The following KIF15 variants were observed in gnomAD, a reference collection of about 807,000 sequenced individuals.
The protein encoded by KIF15 is kinesin-like protein KIF15.
A neutral mutation model predicts 190.6 loss-of-function variants in KIF15; 140 were observed. That is an observed-to-expected ratio of 0.73 (90% confidence interval 0.64 to 0.84). The LOEUF (loss-of-function observed/expected upper bound fraction) is 0.84, where lower values mean the gene tolerates loss of function less well. Among genes scored for constraint, KIF15 ranks in the 40% least tolerant of loss-of-function variants. KIF15 has a pLI of 0.00. For synonymous variants in KIF15, 528 were observed against 551.3 expected (o/e 0.96, Z 0.59); for missense variants, 1,372 against 1,584.4 (o/e 0.87, Z 2.28).
intron 27 of KIF15, 152 bp downstream of exon 27, chr3:44,838,573 C>A: frequency 1.4e-6 from 1 of 713,956 alleles, no homozygotes; most frequent in Non-Finnish European, 2.2e-6. Flanking sequence ...TGAACTGAAA[C>A]CCTGTCTCTA....
intron 10 of KIF15, among the ~76,000 whole-genome samples, chr3:44,798,927 A>G (rs1048873146): frequency 3.3e-5 from 5 of 152,150 alleles, no homozygotes; most frequent in African/African-American, 1.2e-4. Context: ...AGCTTGTCCT[A>G]TCTGTGCTTT....
intron 26 of KIF15, among the ~76,000 whole-genome samples, chr3:44,836,976 G>A (rs771657476): frequency 9.2e-5 from 14 of 152,230 alleles, no homozygotes; most frequent in Non-Finnish European, 1.9e-4. Flanking sequence ...CATTTGTCCA[G>A]TTGCCATGAT....
At chr3:44,790,695 C>CTTTTTTTTTTTTTTTTTTT (rs56414094) in intron 7 of KIF15, among the ~76,000 whole-genome samples, 3 of 97,972 alleles carry the variant, frequency 3.1e-5, no homozygotes, top group African/African-American at 4.1e-5. Flanking sequence ...TTTTCTGTTT[C>CTTTTTTTTTTTTTTTTTTT]TTTTTTTTTT....
intron 6 of KIF15, chr3:44,865,455 G>T (rs1466318435): frequency 4.5e-6 from 2 of 448,972 alleles, no homozygotes; most frequent in East Asian, 3.5e-5. Flanking sequence ...GAGATCCTGG[G>T]GTTGGTCTGC....
chr3:44,820,836 A>C (rs1214393695), intron 20 of KIF15, among the ~76,000 whole-genome samples: 2 of 152,170 alleles, frequency 1.3e-5, no homozygotes, highest in East Asian at 3.9e-4. Flanking sequence ...CGCCATTGTC[A>C]TCATGGCCCG....
intron 16 of KIF15, 130 bp downstream of exon 16, chr3:44,806,116 A>C (rs1210571588): frequency 2.0e-6 from 2 of 1,018,936 alleles, no homozygotes; most frequent in Non-Finnish European, 2.8e-6. Context: ...CCGGTGTCAC[A>C]CTGGTCTTTG....
In KIF15 at chr3:44,826,105, A is replaced by C. The variant is rs756462412; in HGVS notation, c.2616A>C (p.Glu872Asp). ...CLQDSYDNLQ[E>D]IMKFEIDQLS... ...AGGATTCCTATGACAACTTACAAGA[A>C]ATAATGAAATTTGAGATTGACCAAC... is the stretch of plus-strand genomic sequence containing the variant. Residue 872 changes from glutamate (E) to aspartate (D), a missense_variant, in exon 21 of 35, where the codon GAA becomes GAC. Transcript: ENST00000326047. 4 of 1,589,154 alleles carry C rather than the reference A, an allele frequency of 2.5e-6. No individual in the cohort carries two copies. In the African/African-American group the frequency reaches 5.5e-5, roughly 22 times the overall value.
chr3:44,791,124 ATCTT>A (rs1256535285), intron 7 of KIF15, among the ~76,000 whole-genome samples: 1 of 152,002 alleles, frequency 6.6e-6, no homozygotes, highest in African/African-American at 2.4e-5. Context: ...GGTTTCTACC[ATCTT>A]TCTTAGTGTG....
intron 20 of KIF15, among the ~76,000 whole-genome samples, chr3:44,817,195 G>C (rs1708068229): frequency 6.6e-6 from 1 of 152,132 alleles, no homozygotes; most frequent in African/African-American, 2.4e-5. Context: ...TAGGTTGCCT[G>C]TTCACTCTGA....
intron 14 of KIF15, among the ~76,000 whole-genome samples, chr3:44,803,244 A>C (rs2125641579): frequency 6.6e-6 from 1 of 152,396 alleles, no homozygotes; most frequent in Non-Finnish European, 1.5e-5. Flanking sequence ...ATTGATAAAA[A>C]GATTGATTCA....
rs3762636 is a variant in KIF15 at position 44,813,071 on chromosome 3, A to G, written c.2278-4A>G. 761,214 of 1,555,230 alleles carry G rather than the reference A, an allele frequency of 0.49. 193,845 individuals carry two copies. Among genetic ancestry groups the G allele is most frequent in the East Asian group, 0.84 (36,117 of 42,924 alleles). ...TTCCAGTAAATTTATCTTTTTTCCC[A>G]AAGCTTTTCTCATCAGAAAGAATTG... On this transcript the variant is annotated splice_polypyrimidine_tract_variant and splice_region_variant and intron_variant, in intron 18 of 34. Transcript: ENST00000326047.
intron 20 of KIF15, among the ~76,000 whole-genome samples, chr3:44,820,558 G>C (rs1262048428): frequency 1.3e-5 from 2 of 151,842 alleles, no homozygotes; most frequent in African/African-American, 4.8e-5. Context: ...GACTCTTAAC[G>C]AGCATGCTGC....
rs147576633 is a variant in KIF15 at position 44,775,361 on chromosome 3, C to T, written c.170C>T (p.Thr57Met). The T allele has an allele frequency of 4.5e-5, 73 of 1,613,808 alleles. No homozygotes were observed. Among genetic ancestry groups the T allele is most frequent in the South Asian group, 4.4e-5 (4 of 91,068 alleles). The part of the protein sequence containing the change: ...QNLCLSVLSS[T>M]SLRLHSNPEP... ...TTATGCTTATCTGTGCTGTCCTCCA[C>T]GAGTCTCCGGCTGCACTCCAACCCT... The change falls in exon 3 of 35, where the codon ACG (threonine) becomes ATG (methionine). Residue 57 changes from threonine (T) to methionine (M), a missense_variant. Transcript: ENST00000326047.
chr3:44,805,235 A>G (rs1707442393), intron 15 of KIF15, 67 bp downstream of exon 15: 1 of 1,447,146 alleles, frequency 6.9e-7, no homozygotes, highest in East Asian at 2.3e-5. Flanking sequence ...TAGTGTTAAT[A>G]TCGATAATTC....
chr3:44,770,066 G>A (rs541298431), intron 1 of KIF15, among the ~76,000 whole-genome samples: 1 of 152,306 alleles, frequency 6.6e-6, no homozygotes, highest in African/African-American at 2.4e-5. Context: ...TGTAGTTGGA[G>A]ATCTCTGGTT....
intron 10 of KIF15, among the ~76,000 whole-genome samples, chr3:44,798,240 C>G (rs894064934): frequency 2.6e-5 from 4 of 151,436 alleles, no homozygotes; most frequent in African/African-American, 9.7e-5. Context: ...ACAGCTCACT[C>G]TAGCCTCAAC....
chr3:44,846,298 T>TA (rs1224930761), intron 30 of KIF15, among the ~76,000 whole-genome samples: 1 of 152,176 alleles, frequency 6.6e-6, no homozygotes, highest in African/African-American at 2.4e-5. Flanking sequence ...GGTGTATGGG[T>TA]AAAAAACTCA....
chr3:44,829,494 G>A (rs1246609116), intron 24 of KIF15, among the ~76,000 whole-genome samples: 5 of 124,018 alleles, frequency 4.0e-5, no homozygotes, highest in African/African-American at 1.0e-4. Flanking sequence ...TATAATATAT[G>A]CATATATAAT....
At chr3:44,852,119 G>A (rs1699082797) in intron 33 of KIF15, 89 bp from the exon 34 acceptor site, 2 of 1,497,374 alleles carry the variant, frequency 1.3e-6, no homozygotes, top group African/African-American at 2.8e-5. Flanking sequence ...CTGACTTCCT[G>A]TGCTCCTGGA....
Sources: allele counts gnomAD v4.1 joint callset (sites outside exome capture counted in the v4.1 genomes callset), GRCh38; gene constraint gnomAD v4.1.1; transcripts MANE v1.5; gene names NCBI Gene and HGNC (gene_info 2026-07-23, HGNC 2026-07-21).